Variants in ENTPD6 observed in about 807,000 individuals in gnomAD.
The protein encoded by ENTPD6 is ectonucleoside triphosphate diphosphohydrolase 6.
ENTPD6 carries 46 observed loss-of-function variants against 61.5 expected under a neutral mutation model. That is an observed-to-expected ratio of 0.75 (90% CI 0.59 to 0.96). The LOEUF (loss-of-function observed/expected upper bound fraction) is 0.96, where lower values mean the gene tolerates loss of function less well. Ranked by LOEUF, ENTPD6 falls within the 40% of genes least tolerant of loss-of-function variation. ENTPD6 has a pLI of 0.00. For missense variants in ENTPD6, 612 were observed against 629.0 expected, an observed-to-expected ratio of 0.97 and a Z score of 0.29; for synonymous variants, 252 against 255.5, an observed-to-expected ratio of 0.99 and a Z score of 0.13.
chr20:25,225,427 A>C, intron 14 of ENTPD6, 72 bp from the exon 15 acceptor site: 1 of 1,580,472 alleles, frequency 6.3e-7, no homozygotes, highest in Non-Finnish European at 8.6e-7. Flanking sequence ...GCTTCCAAGG[A>C]GCCACAGCCT....
chr20:25,212,697 T>G (rs1475696135), intron 4 of ENTPD6, among the ~76,000 whole-genome samples: 1 of 150,432 alleles, frequency 6.6e-6, no homozygotes, highest in East Asian at 2.0e-4. Context: ...CTATAAGAAG[T>G]TTTTTTTTGT....
intron 2 of ENTPD6, 141 bp downstream of exon 2, chr20:25,206,731 A>T (rs1032336217): frequency 1.4e-6 from 1 of 723,506 alleles, no homozygotes; most frequent in Non-Finnish European, 2.4e-6. Flanking sequence ...GTTTGGGAAC[A>T]CCATTTACAT....
intron 10 of ENTPD6, among the ~76,000 whole-genome samples, chr20:25,220,385 G>A (rs58412968): frequency 0.12 from 17,921 of 150,460 alleles, 3,323 homozygotes; most frequent in African/African-American, 0.4. Context: ...CTGTCTAGAC[G>A]CCCCCTGCTG....
rs150970960 is a variant in ENTPD6, at chr20:25,223,950, C to T, written c.1187-151C>T. The T allele has an allele frequency of 4.9e-4, 310 of 629,324 alleles. 3 individuals carry two copies. In the African/African-American group the frequency reaches 5.1e-3, roughly 10 times the overall value. 39.0% of individuals were successfully genotyped at this position (629,324 alleles called of 1,614,324 possible). On this transcript the variant is annotated intron_variant, in intron 12 of 14. Transcript: ENST00000376652. ...TCACCCAGAAGCCGTCCTCAGAGCA[C>T]GTGAGTGCCGCCTACAGCTGGAGGG...
intron 11 of ENTPD6, 33 bp from the exon 12 acceptor site, chr20:25,222,805 C>T (rs772207295): frequency 1.2e-6 from 2 of 1,609,030 alleles, no homozygotes; most frequent in Non-Finnish European, 1.7e-6. Context: ...GTGCTCGGAG[C>T]CCACTGACCG....
intron 11 of ENTPD6, 87 bp downstream of exon 11, chr20:25,221,420 G>T (rs565089588): frequency 2.0e-6 from 2 of 1,000,826 alleles, no homozygotes; most frequent in Non-Finnish European, 3.2e-6. Context: ...CCCATGGGAC[G>T]TTCCACGGGA....
chr20:25,225,454 T>G (rs1199312562), intron 14 of ENTPD6, 45 bp from the exon 15 acceptor site: 12 of 1,596,628 alleles, frequency 7.5e-6, no homozygotes, highest in Non-Finnish European at 1.0e-5. Flanking sequence ...GCACAAGGCT[T>G]TCCTGTCTGT....
intron 6 of ENTPD6, among the ~76,000 whole-genome samples, 184 bp downstream of exon 6, chr20:25,215,126 C>T (rs2092245010): frequency 6.6e-6 from 1 of 152,202 alleles, no homozygotes; most frequent in African/African-American, 2.4e-5. Flanking sequence ...TGACATGTCA[C>T]AAAAGGATCT....
rs1239964472 is a variant in ENTPD6 at position 25,217,499 on chromosome 20, C to T, written c.799-3C>T. 6.2e-7 allele frequency: 1 copy of T among 1,613,878 alleles called. No homozygotes were observed. Among genetic ancestry groups the T allele is most frequent in the Non-Finnish European group, 8.5e-7 (1 of 1,179,778 alleles). On this transcript the variant is annotated splice_region_variant and splice_polypyrimidine_tract_variant and intron_variant, in intron 8 of 14. Transcript: ENST00000376652. ...AAACATAGTTACCCTCGTTCTTCTC[C>T]AGGGCACCCTGCAGGCCTCCCCACC...
At chr20:25,204,348 C>A (rs2091289022) in intron 1 of ENTPD6, among the ~76,000 whole-genome samples, 1 of 152,114 alleles carries the variant, frequency 6.6e-6, no homozygotes, top group Non-Finnish European at 1.5e-5. Flanking sequence ...ACCCTTAACT[C>A]TGAATTATCG....
intron 1 of ENTPD6, among the ~76,000 whole-genome samples, chr20:25,205,307 A>T (rs1016436079): frequency 6.6e-6 from 1 of 152,090 alleles, no homozygotes; most frequent in South Asian, 2.1e-4. Context: ...GCATCCGGGA[A>T]GGGGGTGGCA....
chr20:25,199,645 C>A (rs1386732880), intron 1 of ENTPD6, among the ~76,000 whole-genome samples: 1 of 152,332 alleles, frequency 6.6e-6, no homozygotes, highest in Admixed American at 6.5e-5. Context: ...AAGTCCTCCT[C>A]ACCCACTGCC....
chr20:25,216,694 G>C lies in ENTPD6; in HGVS notation c.756G>C (p.Leu252Phe), dbSNP rs1310161615. 1 of 1,607,912 alleles carries C rather than the reference G, an allele frequency of 6.2e-7. No individual in the cohort carries two copies. Among genetic ancestry groups the C allele is most frequent in the Admixed American group, 1.7e-5 (1 of 59,426 alleles). ...PGGSSVGMLD[L>F]GGGSTQIAFL... Reference sequence around the variant, plus strand: ...GGAGCAGCGTGGGCATGCTGGACTTGGGCGGAGGATCCACTCAGATCGCCT... The same window carrying C: ...GGAGCAGCGTGGGCATGCTGGACTTCGGCGGAGGATCCACTCAGATCGCCT... The change falls in exon 8 of 15, where the codon TTG (leucine) becomes TTC (phenylalanine). Residue 252 changes from leucine (L) to phenylalanine (F), a missense_variant. Transcript: ENST00000376652.
At chr20:25,197,372 T>C (rs1208033336) in intron 1 of ENTPD6, 5 of 392,734 alleles carry the variant, frequency 1.3e-5, no homozygotes, top group African/African-American at 1.1e-4. Context: ...CACCTCTCTG[T>C]TTGCCTGTGT....
At position 25,206,591 on chromosome 20, in the gene ENTPD6, G is replaced by GT; in HGVS notation, c.54+4dup. The GT allele has an allele frequency of 6.2e-7, 1 of 1,611,512 alleles. No individual in the cohort carries two copies. Among genetic ancestry groups the GT allele is most frequent in the South Asian group, 1.1e-5 (1 of 91,030 alleles). On this transcript the variant is annotated splice_donor_variant, in intron 2 of 14. Transcript: ENST00000376652. LOFTEE classifies it high-confidence loss of function. Reference sequence around the variant, plus strand: ...CAGAAAAACGAGCTACATTTTTCAGGTTTGTCTGGGGCTCTCAGTAGTTGC... The same window carrying GT: ...CAGAAAAACGAGCTACATTTTTCAGGTTTTGTCTGGGGCTCTCAGTAGTTGC...
intron 7 of ENTPD6, 69 bp from the exon 8 acceptor site, chr20:25,216,579 C>A: frequency 8.3e-7 from 1 of 1,198,576 alleles, no homozygotes; most frequent in Non-Finnish European, 1.2e-6. Flanking sequence ...CTGGCTTTCA[C>A]CCTGGCTTTT....
At chr20:25,217,607 G>A in intron 9 of ENTPD6, 26 bp downstream of exon 9, 2 of 1,605,678 alleles carry the variant, frequency 1.2e-6, no homozygotes, top group Non-Finnish European at 1.7e-6. Context: ...CAGGCGTGGG[G>A]AGGCGCCATG....
intron 4 of ENTPD6, among the ~76,000 whole-genome samples, chr20:25,210,531 G>A (rs1196051337): frequency 6.6e-6 from 1 of 152,182 alleles, no homozygotes; most frequent in East Asian, 1.9e-4. Flanking sequence ...TGTCATCCCA[G>A]CTACTTGGGA....
At chr20:25,199,345 T>C (rs1600485734) in intron 1 of ENTPD6, among the ~76,000 whole-genome samples, 1 of 152,180 alleles carries the variant, frequency 6.6e-6, no homozygotes, top group East Asian at 1.9e-4. Flanking sequence ...GTGATCAGAA[T>C]TGTAAAACGT....
Sources: gnomAD v4.1 joint callset for allele counts (sites outside exome capture counted in the v4.1 genomes callset) on GRCh38, gnomAD v4.1.1 for gene constraint, MANE v1.5 for transcripts, NCBI Gene and HGNC (gene_info 2026-07-23, HGNC 2026-07-21) for gene names.